ADAMTSL1: variants seen among roughly 807,000 people sequenced by gnomAD.
ADAMTSL1 encodes the protein ADAMTS like 1.
ADAMTSL1 carries 126 observed loss-of-function variants against 201.8 expected under a neutral mutation model. That is an observed-to-expected ratio of 0.62 (90% confidence interval 0.54 to 0.72). The LOEUF (loss-of-function observed/expected upper bound fraction) is 0.72, where lower values mean the gene tolerates loss of function less well. Among genes scored for constraint, ADAMTSL1 ranks in the 30% least tolerant of loss-of-function variants. The pLI, the probability that ADAMTSL1 is intolerant of heterozygous loss-of-function variation, is 0.00. For missense variants in ADAMTSL1, 2,679 were observed against 2,277.8 expected (o/e 1.18, Z -3.59); for synonymous variants, 1,121 against 903.4 (o/e 1.24, Z -4.32).
chr9:18,424,823 T>A (rs1819131871), intron 2 of ADAMTSL1, among the ~76,000 whole-genome samples: 1 of 152,172 alleles, frequency 6.6e-6, no homozygotes, highest in Non-Finnish European at 1.5e-5. Context: ...ACAGCCAGCC[T>A]TTCTGACCCA....
At chr9:18,495,559 C>T (rs1021598072) in intron 1 of ADAMTSL1, among the ~76,000 whole-genome samples, 16 of 152,112 alleles carry the variant, frequency 1.1e-4, no homozygotes, top group African/African-American at 3.4e-4. Flanking sequence ...CAACCTACTC[C>T]CAAAACTGCA....
chr9:18,671,657 T>C (rs1355645152), intron 9 of ADAMTSL1, among the ~76,000 whole-genome samples: 1 of 152,066 alleles, frequency 6.6e-6, no homozygotes, highest in East Asian at 1.9e-4. Flanking sequence ...GAAACGAAGA[T>C]TTGCAGTTCC....
chr9:18,853,754 T>C (rs971699936), intron 23 of ADAMTSL1, among the ~76,000 whole-genome samples: 1 of 152,304 alleles, frequency 6.6e-6, no homozygotes, highest in South Asian at 2.1e-4. Context: ...CAGATCTCTA[T>C]CACTGTCTTA....
At chr9:18,651,726 G>A (rs1427860256) in intron 7 of ADAMTSL1, among the ~76,000 whole-genome samples, 3 of 152,070 alleles carry the variant, frequency 2.0e-5, no homozygotes, top group Admixed American at 2.0e-4. Context: ...TGCGATTTCT[G>A]CTTGCATCAG....
intron 1 of ADAMTSL1, among the ~76,000 whole-genome samples, chr9:17,916,368 T>A (rs1414270732): frequency 6.6e-6 from 1 of 152,224 alleles, no homozygotes. Context: ...TGGACAATTG[T>A]GATTTTGTTC....
chr9:18,175,899 A>G (rs1416108653), intron 2 of ADAMTSL1, among the ~76,000 whole-genome samples: 1 of 151,096 alleles, frequency 6.6e-6, no homozygotes, highest in Non-Finnish European at 1.5e-5. Context: ...CTTAATCTTC[A>G]GAGATGGAAG....
chr9:18,602,443 G>A (rs1359736344), intron 4 of ADAMTSL1, among the ~76,000 whole-genome samples: 1 of 152,212 alleles, frequency 6.6e-6, no homozygotes, highest in Non-Finnish European at 1.5e-5. Context: ...TTGCAGCGTA[G>A]AGGAATGTGT....
chr9:17,938,445 A>G (rs1827100060), intron 1 of ADAMTSL1, among the ~76,000 whole-genome samples: 1 of 152,272 alleles, frequency 6.6e-6, no homozygotes, highest in South Asian at 2.1e-4. Context: ...TTTACTGTCC[A>G]TCCTCATGCC....
intron 2 of ADAMTSL1, among the ~76,000 whole-genome samples, chr9:18,207,338 C>A (rs1356485675): frequency 6.6e-6 from 1 of 152,068 alleles, no homozygotes; most frequent in African/African-American, 2.4e-5. Flanking sequence ...TCAGACAGTA[C>A]GTCTTATAAT....
chr9:18,470,364 G>T (rs1262167900), upstream of ADAMTSL1, among the ~76,000 whole-genome samples: 1 of 152,176 alleles, frequency 6.6e-6, no homozygotes, highest in African/African-American at 2.4e-5. Context: ...TCAAATTTCA[G>T]TTCTGCCCCT....
At chr9:18,483,117 C>T (rs1451921842) in intron 1 of ADAMTSL1, among the ~76,000 whole-genome samples, 1 of 152,146 alleles carries the variant, frequency 6.6e-6, no homozygotes, top group Non-Finnish European at 1.5e-5. Context: ...TCTTTGAAGG[C>T]AGGGGTTTTG....
intron 23 of ADAMTSL1, among the ~76,000 whole-genome samples, chr9:18,866,175 CA>C (rs1014072907): frequency 7.5e-6 from 1 of 133,174 alleles, no homozygotes; most frequent in Non-Finnish European, 1.6e-5. Flanking sequence ...ATGTCCGTGA[CA>C]GAAAGGAACC....
At chr9:17,938,353 T>G (rs1755289) in intron 1 of ADAMTSL1, among the ~76,000 whole-genome samples, 82 of 151,974 alleles carry the variant, frequency 5.4e-4, no homozygotes, top group Non-Finnish European at 7.9e-4. Context: ...TCTTGAAAAT[T>G]TCATAAGGTT....
intron 2 of ADAMTSL1, among the ~76,000 whole-genome samples, chr9:18,523,794 G>C (rs1222739670): frequency 7.2e-6 from 1 of 139,464 alleles, no homozygotes; most frequent in African/African-American, 2.7e-5. Flanking sequence ...CTGTTCCATT[G>C]ATCTATATCT....
At position 18,657,988 on chromosome 9, in the gene ADAMTSL1, T is replaced by C. The variant is rs558444933; in HGVS notation, c.946+238T>C. ...AGGAAACAGTCTTTTTTTTTTTTTTTTTTTGAGACAGAGTCTCGCACTGTC... is the reference window on the plus strand; with the variant it reads ...AGGAAACAGTCTTTTTTTTTTTTTTCTTTTGAGACAGAGTCTCGCACTGTC... On this transcript the variant is annotated intron_variant, in intron 8 of 28. Coordinates refer to ENST00000380548, the MANE Select transcript of ADAMTSL1 (RefSeq NM_001040272.6). Among the ~76,000 whole-genome samples the C allele has an allele frequency of 3.5e-3, 532 of 151,542 alleles. 3 individuals are homozygous for C. Among genetic ancestry groups the C allele is most frequent in the Non-Finnish European group, 5.6e-3 (377 of 67,818 alleles).
At chr9:18,292,690 C>A (rs975430617) in intron 2 of ADAMTSL1, among the ~76,000 whole-genome samples, 1 of 152,118 alleles carries the variant, frequency 6.6e-6, no homozygotes, top group Non-Finnish European at 1.5e-5. Context: ...GAACATCAGA[C>A]CCCAGTTCTT....
In ADAMTSL1 at chr9:18,805,199, C is replaced by T. The variant is rs73644672; in HGVS notation, c.3805+9675C>T. On this transcript the variant is annotated intron_variant, in intron 20 of 28. Coordinates refer to ENST00000380548, the MANE Select transcript of ADAMTSL1 (RefSeq NM_001040272.6). ...TTCAACAAGGCCAGCCATGGTGTGA[C>T]TTTTAAGCTCTCCGCATCTGTCCAG... Among the ~76,000 whole-genome samples the T allele has an allele frequency of 4.8e-3, 736 of 152,268 alleles. 7 individuals are homozygous for T. The highest frequency in any genetic ancestry group is 0.017 in the African/African-American group (701 of 41,546).
intron 2 of ADAMTSL1, among the ~76,000 whole-genome samples, chr9:18,276,830 G>C (rs1263417133): frequency 4.6e-5 from 7 of 152,092 alleles, no homozygotes; most frequent in Non-Finnish European, 1.0e-4. Context: ...ATTCATGGAA[G>C]ACCCACCCCC....
Position 18,777,322 on chromosome 9 carries a change from G to C in ADAMTSL1, c.3093G>C (p.Gln1031His), listed in dbSNP as rs748716321. The C allele has an allele frequency of 1.9e-6, 3 of 1,602,336 alleles. No individual in the cohort carries two copies. The South Asian group carries it at 3.3e-5, about 18-fold the overall frequency. Reference protein sequence around the residue: ...YDDLVSRLLEQGGWPGELLAS... With the variant: ...YDDLVSRLLEHGGWPGELLAS... ...ACCTCGTCTCCCGGCTGCTGGAGCA[G>C]GGCGGCTGGCCCGGAGAGCTGCTGG... Residue 1031 changes from glutamine (Q) to histidine (H), a missense_variant, in exon 19 of 29, where the codon CAG (glutamine) becomes CAC (histidine). Transcript: ENST00000380548.
Sources: allele counts gnomAD v4.1 joint callset (sites outside exome capture counted in the v4.1 genomes callset), GRCh38; gene constraint gnomAD v4.1.1; transcripts MANE v1.5; gene names NCBI Gene and HGNC (gene_info 2026-07-23, HGNC 2026-07-21).